DCC: variants seen among roughly 807,000 people sequenced by gnomAD.
DCC encodes DCC netrin 1 receptor.
In DCC, 58 loss-of-function variants were observed where a neutral mutation model predicts 172.5. The ratio of observed to expected loss-of-function variants is 0.34; its 90% CI spans 0.27 to 0.42. The LOEUF (loss-of-function observed/expected upper bound fraction) is 0.42. Among genes scored for constraint, DCC ranks in the 10% least tolerant of loss-of-function variants. DCC has a pLI of 1.00. For missense variants in DCC, 1,740 were observed against 1,791.0 expected (o/e 0.97, Z 0.51); for synonymous variants, 709 against 644.5 (o/e 1.10, Z -1.52).
intron 1 of DCC, among the ~76,000 whole-genome samples, chr18:52,441,947 G>T (rs1412907970): frequency 6.6e-6 from 1 of 152,152 alleles, no homozygotes; most frequent in Non-Finnish European, 1.5e-5. Flanking sequence ...AACTCTGTTT[G>T]CAAATGAGAT....
intron 12 of DCC, among the ~76,000 whole-genome samples, chr18:53,293,560 T>G (rs2057030969): frequency 6.6e-6 from 1 of 152,188 alleles, no homozygotes; most frequent in Non-Finnish European, 1.5e-5. Flanking sequence ...TACAGATTAT[T>G]TTGTCACCCA....
intron 3 of DCC, among the ~76,000 whole-genome samples, chr18:52,910,262 T>C (rs1358253439): frequency 1.3e-5 from 2 of 152,136 alleles, no homozygotes; most frequent in African/African-American, 2.4e-5. Context: ...GCATTTTTCA[T>C]TGAGACTGGA....
chr18:52,407,916 A>G (rs1986708775), intron 1 of DCC, among the ~76,000 whole-genome samples: 1 of 151,986 alleles, frequency 6.6e-6, no homozygotes, highest in African/African-American at 2.4e-5. Flanking sequence ...TCCTTTAGTT[A>G]TTTTGCCTCT....
At chr18:53,221,872 C>T (rs769054567) in intron 12 of DCC, among the ~76,000 whole-genome samples, 3 of 152,148 alleles carry the variant, frequency 2.0e-5, no homozygotes, top group African/African-American at 2.4e-5. Flanking sequence ...TTTCAGAATA[C>T]TTCTGTTCCA....
chr18:53,109,936 ACT>A (rs2043305481), intron 7 of DCC, among the ~76,000 whole-genome samples: 1 of 150,674 alleles, frequency 6.6e-6, no homozygotes, highest in African/African-American at 2.4e-5. Flanking sequence ...AGCATTGAAA[ACT>A]CTGAAAGTAT....
At chr18:52,745,999 T>C (rs965941693) in intron 1 of DCC, among the ~76,000 whole-genome samples, 4 of 152,234 alleles carry the variant, frequency 2.6e-5, no homozygotes, top group African/African-American at 9.6e-5. Context: ...GTTTTTGTTT[T>C]TTAAATTCCT....
intron 5 of DCC, among the ~76,000 whole-genome samples, chr18:52,963,265 A>G (rs1438889016): frequency 6.6e-6 from 1 of 151,784 alleles, no homozygotes; most frequent in Non-Finnish European, 1.5e-5. Context: ...ATTTCTTTAT[A>G]TCTTATTTTC....
intron 2 of DCC, among the ~76,000 whole-genome samples, chr18:52,868,802 AC>A (rs1398571306): frequency 6.6e-6 from 1 of 152,190 alleles, no homozygotes; most frequent in African/African-American, 2.4e-5. Flanking sequence ...GGTAGGGAGC[AC>A]CAAGGGGTGT....
intron 13 of DCC, among the ~76,000 whole-genome samples, chr18:53,309,376 C>T (rs2057238374): frequency 6.6e-6 from 1 of 152,058 alleles, no homozygotes; most frequent in Admixed American, 6.6e-5. Context: ...AGATAGAGCC[C>T]ACTTGAAATC....
chr18:52,656,773 G>A (rs1180172423), intron 1 of DCC, among the ~76,000 whole-genome samples: 1 of 152,014 alleles, frequency 6.6e-6, no homozygotes, highest in Non-Finnish European at 1.5e-5. Flanking sequence ...TTTAATTCTT[G>A]TTTTCAATTA....
At chr18:52,736,189 G>A (rs998091554) in intron 1 of DCC, among the ~76,000 whole-genome samples, 4 of 151,460 alleles carry the variant, frequency 2.6e-5, no homozygotes, top group African/African-American at 9.7e-5. Context: ...CTGGGTCTTT[G>A]TCCCTACCTG....
At chr18:53,460,765 G>C (rs1440980409) in intron 24 of DCC, among the ~76,000 whole-genome samples, 1 of 152,124 alleles carries the variant, frequency 6.6e-6, no homozygotes, top group African/African-American at 2.4e-5. Flanking sequence ...CTTTATAGCA[G>C]CACGATTTAT....
At chr18:52,674,429 C>T (rs147799482) in intron 1 of DCC, among the ~76,000 whole-genome samples, 107 of 152,254 alleles carry the variant, frequency 7.0e-4, no homozygotes, top group African/African-American at 2.6e-3. Flanking sequence ...TGGATGGTGT[C>T]TACCCATTTT....
At chr18:52,696,233 G>A (rs2036009435) in intron 1 of DCC, among the ~76,000 whole-genome samples, 1 of 152,160 alleles carries the variant, frequency 6.6e-6, no homozygotes, top group Non-Finnish European at 1.5e-5. Flanking sequence ...AATCATATGT[G>A]ACCTTGAAGC....
intron 1 of DCC, among the ~76,000 whole-genome samples, chr18:52,592,715 C>T (rs979627988): frequency 2.0e-5 from 3 of 152,194 alleles, no homozygotes; most frequent in Non-Finnish European, 4.4e-5. Flanking sequence ...CTCATTGTAA[C>T]GTCCGCCTCC....
chr18:53,415,636 C>T (rs1359438338), intron 20 of DCC, among the ~76,000 whole-genome samples: 1 of 152,056 alleles, frequency 6.6e-6, no homozygotes, highest in Non-Finnish European at 1.5e-5. Flanking sequence ...TTCACAAGGG[C>T]TAAAGTTTAT....
chr18:52,636,795 A>G (rs1403932336), intron 1 of DCC, among the ~76,000 whole-genome samples: 2 of 152,070 alleles, frequency 1.3e-5, no homozygotes, highest in Non-Finnish European at 2.9e-5. Flanking sequence ...CCGCCCAACC[A>G]CTGGTCCCTC....
intron 3 of DCC, among the ~76,000 whole-genome samples, chr18:52,913,754 A>G (rs926532921): frequency 3.3e-5 from 5 of 152,070 alleles, no homozygotes; most frequent in Non-Finnish European, 5.9e-5. Context: ...TAACAGCCCT[A>G]GGTGGGTCAT....
chr18:52,399,896 T>C (rs1020036012), intron 1 of DCC, among the ~76,000 whole-genome samples: 15 of 151,998 alleles, frequency 9.9e-5, no homozygotes, highest in Admixed American at 7.9e-4. Context: ...TATATATTTG[T>C]ACAATTAATA....
Sources: gnomAD v4.1 joint callset for allele counts (sites outside exome capture counted in the v4.1 genomes callset) on GRCh38, gnomAD v4.1.1 for gene constraint, MANE v1.5 for transcripts, NCBI Gene and HGNC (gene_info 2026-07-23, HGNC 2026-07-21) for gene names.